FHIT: variants seen among roughly 807,000 people sequenced by gnomAD.
FHIT encodes bis(5'-adenosyl)-triphosphatase.
In FHIT, 19 loss-of-function variants were observed where a neutral mutation model predicts 17.9. The ratio of observed to expected loss-of-function variants is 1.06; its 90% CI spans 0.74 to 1.56. The LOEUF (loss-of-function observed/expected upper bound fraction) is 1.56, where lower values mean the gene tolerates loss of function less well. FHIT is among the 40% of genes most tolerant of loss of function. FHIT has a pLI of 0.00. For missense variants in FHIT, 248 were observed against 189.2 expected (o/e 1.31, Z -1.82); for synonymous variants, 81 against 69.7 (o/e 1.16, Z -0.81).
chr3:60,836,084 A>G lies in FHIT; in HGVS notation c.-110-14073T>C, dbSNP rs568030919. On this transcript the variant is annotated intron_variant, in intron 3 of 9. Transcript: ENST00000492590. Reference sequence around the variant, plus strand: ...TATTGCATTGATTAGAACTTCCTGCACTATGTTGAATAGGAGTGGTGGAAC... The same window carrying G: ...TATTGCATTGATTAGAACTTCCTGCGCTATGTTGAATAGGAGTGGTGGAAC... Among the ~76,000 whole-genome samples, 4 of 152,262 alleles carry G rather than the reference A, an allele frequency of 2.6e-5. No homozygotes were observed. The East Asian group carries it at 5.8e-4, about 22-fold the overall frequency.
At chr3:60,643,488 G>A (rs1020923360) in intron 4 of FHIT, among the ~76,000 whole-genome samples, 5 of 152,074 alleles carry the variant, frequency 3.3e-5, no homozygotes, top group African/African-American at 7.2e-5. Flanking sequence ...CATATTACCC[G>A]ACTTCAGACT....
chr3:60,588,608 A>C (rs2037981357), intron 4 of FHIT, among the ~76,000 whole-genome samples: 1 of 152,052 alleles, frequency 6.6e-6, no homozygotes, highest in African/African-American at 2.4e-5. Context: ...GGTGGGATCC[A>C]AGACTGCATT....
intron 9 of FHIT, chr3:59,751,824 C>T (rs1700922190): frequency 4.1e-6 from 1 of 241,074 alleles, no homozygotes; most frequent in Non-Finnish European, 8.1e-6. Flanking sequence ...GTTTACAGGG[C>T]TTTGCAGACA....
At chr3:59,913,713 C>T (rs1704995122) in intron 8 of FHIT, among the ~76,000 whole-genome samples, 1 of 152,068 alleles carries the variant, frequency 6.6e-6, no homozygotes, top group Non-Finnish European at 1.5e-5. Context: ...TGTTTATGAC[C>T]ACTAACCTTA....
intron 3 of FHIT, among the ~76,000 whole-genome samples, chr3:61,013,520 T>C (rs1190735633): frequency 6.6e-6 from 1 of 152,218 alleles, no homozygotes; most frequent in Non-Finnish European, 1.5e-5. Flanking sequence ...AAAATACAAA[T>C]GCATTGCTTT....
At chr3:59,787,219 A>C (rs1188575898) in intron 8 of FHIT, among the ~76,000 whole-genome samples, 2 of 152,182 alleles carry the variant, frequency 1.3e-5, no homozygotes, top group African/African-American at 2.4e-5. Context: ...ATAATAAGTG[A>C]CCAAGCCAGG....
chr3:60,719,263 AT>A (rs1211481641), intron 4 of FHIT, among the ~76,000 whole-genome samples: 1 of 152,116 alleles, frequency 6.6e-6, no homozygotes, highest in South Asian at 2.1e-4. Context: ...GAGGCCTGCT[AT>A]TTTTTTCCTT....
At chr3:60,668,046 T>C (rs782093030) in intron 4 of FHIT, among the ~76,000 whole-genome samples, 1 of 152,012 alleles carries the variant, frequency 6.6e-6, no homozygotes, top group Non-Finnish European at 1.5e-5. Context: ...CAAAGAGGCT[T>C]CCTAGAATTG....
At chr3:60,345,818 C>T (rs766837736) in intron 5 of FHIT, among the ~76,000 whole-genome samples, 6 of 152,084 alleles carry the variant, frequency 3.9e-5, no homozygotes, top group Non-Finnish European at 5.9e-5. Flanking sequence ...CTATGACATG[C>T]TATCAATTAT....
At chr3:60,443,323 G>C (rs1199006862) in intron 5 of FHIT, among the ~76,000 whole-genome samples, 2 of 152,164 alleles carry the variant, frequency 1.3e-5, no homozygotes, top group Admixed American at 6.6e-5. Flanking sequence ...AATAGGAGTG[G>C]TGAGAGAGGA....
intron 5 of FHIT, among the ~76,000 whole-genome samples, chr3:60,067,293 C>G (rs1702558203): frequency 6.6e-6 from 1 of 151,822 alleles, no homozygotes; most frequent in Admixed American, 6.6e-5. Flanking sequence ...ACTATGCCAG[C>G]CATACAACAA....
At chr3:61,211,504 G>C (rs2039472557) in intron 1 of FHIT, among the ~76,000 whole-genome samples, 1 of 152,256 alleles carries the variant, frequency 6.6e-6, no homozygotes, top group South Asian at 2.1e-4. Flanking sequence ...CTGCCAGGAA[G>C]CATGAACTGG....
chr3:60,420,224 T>G (rs1702418703), intron 5 of FHIT, among the ~76,000 whole-genome samples: 1 of 152,198 alleles, frequency 6.6e-6, no homozygotes, highest in Non-Finnish European at 1.5e-5. Context: ...GTAACTTGCT[T>G]TGCTAACTTT....
At chr3:60,308,494 GTGTATATATA>G (rs1372887299) in intron 5 of FHIT, among the ~76,000 whole-genome samples, 1 of 52,338 alleles carries the variant, frequency 1.9e-5, no homozygotes, top group East Asian at 7.7e-4. Context: ...ATAGGTGTAT[GTGTATATATA>G]TATATATATA....
Position 60,284,582 on chromosome 3 carries a change from CTTTTTTAAT to C in FHIT, c.103+252269_103+252277del, listed in dbSNP as rs1707628214. Among the ~76,000 whole-genome samples the C allele has an allele frequency of 2.0e-5, 3 of 152,158 alleles. No individual in the cohort carries two copies. The South Asian group carries it at 6.2e-4, about 32-fold the overall frequency. Reference sequence around the variant, plus strand: ...TAAGATACTTACATAAAGAGCTACACTTTTTTAATTTATTTTTCTCACTTTCTTTGCTAA... The same window carrying C: ...TAAGATACTTACATAAAGAGCTACACTTATTTTTCTCACTTTCTTTGCTAA... On this transcript the variant is annotated intron_variant, in intron 5 of 9. Transcript: ENST00000492590.
chr3:60,320,189 C>T (rs577001518), intron 5 of FHIT, among the ~76,000 whole-genome samples: 9 of 152,254 alleles, frequency 5.9e-5, no homozygotes, highest in African/African-American at 2.2e-4. Flanking sequence ...TGTATAAAAA[C>T]AATTACAACG....
At chr3:60,716,009 G>A (rs1735466) in intron 4 of FHIT, among the ~76,000 whole-genome samples, 138,101 of 152,076 alleles carry the variant, frequency 0.91, 63,525 homozygotes, top group East Asian at 1. Flanking sequence ...CCAGCACTTC[G>A]GGAGGCCAAG....
chr3:59,953,339 T>C (rs1376226101), intron 7 of FHIT, among the ~76,000 whole-genome samples: 1 of 152,078 alleles, frequency 6.6e-6, no homozygotes, highest in Non-Finnish European at 1.5e-5. Context: ...CATTGGGTCC[T>C]TGTGTGCATG....
chr3:60,041,496 C>A (rs1387973750), intron 5 of FHIT, among the ~76,000 whole-genome samples: 2 of 152,156 alleles, frequency 1.3e-5, no homozygotes, highest in African/African-American at 2.4e-5. Context: ...AGTTAATTAG[C>A]CACACACTTG....
Sources: allele counts gnomAD v4.1 joint callset (sites outside exome capture counted in the v4.1 genomes callset), GRCh38; gene constraint gnomAD v4.1.1; transcripts MANE v1.5; gene names NCBI Gene and HGNC (gene_info 2026-07-23, HGNC 2026-07-21).